RBFOX3: variants seen among roughly 807,000 people sequenced by gnomAD.
The protein encoded by RBFOX3 is RNA binding protein fox-1 homolog 3.
Under a neutral mutation model 48.7 loss-of-function variants are expected in RBFOX3, and 17 were observed. The ratio of observed to expected loss-of-function variants is 0.35; its 90% CI spans 0.24 to 0.52. The LOEUF (loss-of-function observed/expected upper bound fraction) is 0.52, where lower values mean the gene tolerates loss of function less well. Ranked by LOEUF, RBFOX3 falls within the 20% of genes least tolerant of loss-of-function variation. The pLI is 0.94. For missense variants in RBFOX3, 382 were observed against 497.5 expected, an observed-to-expected ratio of 0.77 and a Z score of 2.21; for synonymous variants, 212 against 209.5, an observed-to-expected ratio of 1.01 and a Z score of -0.10.
chr17:79,251,742 C>T (rs1432306796), intron 3 of RBFOX3, among the ~76,000 whole-genome samples: 1 of 152,198 alleles, frequency 6.6e-6, no homozygotes, highest in East Asian at 1.9e-4. Context: ...CCCCATTGTA[C>T]ACTTCACAGC....
chr17:79,092,038 C>T (rs2074015549), intron 14 of RBFOX3: 1 of 985,474 alleles, frequency 1.0e-6, no homozygotes, highest in South Asian at 4.7e-5. Flanking sequence ...TGGGTGAAGG[C>T]CTGCGGGAGC....
chr17:79,575,433 G>A (rs2092826601), intron 1 of RBFOX3, among the ~76,000 whole-genome samples: 1 of 152,196 alleles, frequency 6.6e-6, no homozygotes. Context: ...AGTGGGTCGA[G>A]GTGCAGGGGC....
intron 4 of RBFOX3, among the ~76,000 whole-genome samples, chr17:79,222,565 G>A (rs1447115859): frequency 1.3e-5 from 2 of 152,212 alleles, no homozygotes; most frequent in African/African-American, 4.8e-5. Flanking sequence ...AGGCCAGTGA[G>A]CAGCCACATG....
chr17:79,151,037 C>A (rs1467988243), intron 4 of RBFOX3, among the ~76,000 whole-genome samples: 1 of 152,238 alleles, frequency 6.6e-6, no homozygotes, highest in East Asian at 1.9e-4. Context: ...AGTCCACGCT[C>A]CGCAAGTGCT....
intron 4 of RBFOX3, among the ~76,000 whole-genome samples, chr17:79,180,643 C>T (rs1031194098): frequency 6.6e-6 from 1 of 151,938 alleles, no homozygotes; most frequent in African/African-American, 2.4e-5. Flanking sequence ...TTGGGATAAG[C>T]GGGTTCCCAA....
chr17:79,591,863 G>A (rs1279018316), intron 1 of RBFOX3, among the ~76,000 whole-genome samples: 2 of 150,924 alleles, frequency 1.3e-5, no homozygotes, highest in Admixed American at 6.6e-5. Context: ...CGTGTGGAGG[G>A]TGTGTGGAGG....
At chr17:79,519,803 C>T (rs1364475606) in intron 1 of RBFOX3, among the ~76,000 whole-genome samples, 2 of 152,120 alleles carry the variant, frequency 1.3e-5, no homozygotes, top group Admixed American at 6.5e-5. Flanking sequence ...GACACCAGGG[C>T]GGGGGTGAGC....
In RBFOX3 at chr17:79,090,762, T is replaced by G. The variant is rs901990181; in HGVS notation, c.*121A>C. ...TGGACTTGGTTGGATGCCTCTTGGT[T>G]TGGTTGGTTTTTTTTTTGTTGCTTG... On this transcript the variant is annotated 3_prime_UTR_variant, in exon 15 of 15. Coordinates refer to ENST00000693108, the MANE Select transcript of RBFOX3 (RefSeq NM_001350451.2). The G allele has an allele frequency of 1.1e-5, 13 of 1,230,992 alleles. No homozygotes were observed. The highest frequency in any genetic ancestry group is 1.3e-5 in the Non-Finnish European group (12 of 901,502). The allele number at this position is 1,230,992 out of a possible 1,614,324, so 76.3% of individuals were successfully genotyped here. A position where few individuals can be genotyped will look rare whatever the true frequency, so the allele number is the denominator to read the frequency against.
intron 1 of RBFOX3, among the ~76,000 whole-genome samples, chr17:79,556,596 G>A (rs1027826021): frequency 9.2e-5 from 14 of 152,138 alleles, no homozygotes; most frequent in African/African-American, 3.4e-4. Flanking sequence ...ACAAATTAGG[G>A]CTGATGTGAA....
At chr17:79,188,543 G>C (rs1458072601) in intron 4 of RBFOX3, among the ~76,000 whole-genome samples, 2 of 152,210 alleles carry the variant, frequency 1.3e-5, no homozygotes, top group Non-Finnish European at 2.9e-5. Flanking sequence ...TATATGGGCA[G>C]AGCCAGGAGT....
chr17:79,491,340 C>T (rs1156303853), intron 1 of RBFOX3, among the ~76,000 whole-genome samples: 1 of 151,786 alleles, frequency 6.6e-6, no homozygotes, highest in Non-Finnish European at 1.5e-5. Flanking sequence ...ACCTTGAACA[C>T]CATGCCAAGG....
chr17:79,136,601 C>T (rs1317876618), intron 4 of RBFOX3, among the ~76,000 whole-genome samples: 1 of 152,174 alleles, frequency 6.6e-6, no homozygotes, highest in South Asian at 2.1e-4. Flanking sequence ...GGTCTCTCGC[C>T]CAAGCTCTGT....
intron 3 of RBFOX3, among the ~76,000 whole-genome samples, chr17:79,288,048 G>T (rs980718637): frequency 6.6e-5 from 10 of 152,128 alleles, no homozygotes; most frequent in African/African-American, 1.9e-4. Flanking sequence ...GGCCCTGCCT[G>T]CTCTGCCCCA....
intron 4 of RBFOX3, among the ~76,000 whole-genome samples, chr17:79,197,216 C>T (rs949978920): frequency 6.6e-6 from 1 of 152,152 alleles, no homozygotes; most frequent in East Asian, 1.9e-4. Flanking sequence ...AGCCCTCCGT[C>T]GGGGCTGTCC....
At chr17:79,366,016 G>A (rs2147428892) in intron 2 of RBFOX3, among the ~76,000 whole-genome samples, 1 of 152,386 alleles carries the variant, frequency 6.6e-6, no homozygotes, top group South Asian at 2.1e-4. Context: ...CAGGAGGGCA[G>A]CACACAGGGA....
At chr17:79,143,005 G>C (rs552265897) in intron 4 of RBFOX3, among the ~76,000 whole-genome samples, 1 of 152,168 alleles carries the variant, frequency 6.6e-6, no homozygotes, top group African/African-American at 2.4e-5. Context: ...GGGACATCCT[G>C]GTGCACGGTG....
the RBFOX3 span, among the ~76,000 whole-genome samples, chr17:79,628,119 C>G: frequency 1.3e-5 from 2 of 151,986 alleles, no homozygotes; most frequent in African/African-American, 4.8e-5. Flanking sequence ...TCAACTCCCC[C>G]TCCTCTGTTC....
At chr17:79,296,504 G>A (rs188873561) in intron 3 of RBFOX3, among the ~76,000 whole-genome samples, 13 of 152,254 alleles carry the variant, frequency 8.5e-5, no homozygotes, top group Non-Finnish European at 1.5e-5. Context: ...CTGAAGAACA[G>A]GCACAGTCCC....
chr17:79,228,274 G>A (rs2060569087), intron 4 of RBFOX3, among the ~76,000 whole-genome samples: 1 of 152,140 alleles, frequency 6.6e-6, no homozygotes, highest in Non-Finnish European at 1.5e-5. Context: ...GAGCGGGCGG[G>A]GTGGCCATGA....
Sources: gnomAD v4.1 joint callset for allele counts (sites outside exome capture counted in the v4.1 genomes callset) on GRCh38, gnomAD v4.1.1 for gene constraint, MANE v1.5 for transcripts, NCBI Gene and HGNC (gene_info 2026-07-23, HGNC 2026-07-21) for gene names.